The following RNF43 variants were observed in gnomAD, a reference collection of about 807,000 sequenced individuals.
The protein encoded by RNF43 is ring finger protein 43, also known as E3 ubiquitin-protein ligase RNF43.
Under a neutral mutation model 78.4 loss-of-function variants are expected in RNF43, and 37 were observed. That is an observed-to-expected ratio of 0.47 (90% confidence interval 0.36 to 0.62). The LOEUF (loss-of-function observed/expected upper bound fraction) is 0.62. RNF43 is among the 20% of genes least tolerant of loss of function. The pLI is 0.00. For missense variants in RNF43, 774 were observed against 1,007.9 expected, an observed-to-expected ratio of 0.77 and a Z score of 3.14; for synonymous variants, 347 against 395.0, an observed-to-expected ratio of 0.88 and a Z score of 1.44.
chr17:58,372,886 A>G (rs546323526), intron 2 of RNF43, among the ~76,000 whole-genome samples: 1 of 152,334 alleles, frequency 6.6e-6, no homozygotes, highest in East Asian at 1.9e-4. Context: ...ACAGAGGCCT[A>G]GCACGAGGCT....
chr17:58,384,040 G>A (rs1973380842), intron 2 of RNF43, among the ~76,000 whole-genome samples: 1 of 152,198 alleles, frequency 6.6e-6, no homozygotes, highest in South Asian at 2.1e-4. Flanking sequence ...ATGTATGTAG[G>A]CCACCTCATG....
intron 2 of RNF43, among the ~76,000 whole-genome samples, chr17:58,407,998 TAAG>T (rs1043905445): frequency 3.3e-5 from 5 of 152,212 alleles, no homozygotes; most frequent in Non-Finnish European, 7.3e-5. Context: ...TTACTACACA[TAAG>T]AAGATCTTTG....
chr17:58,357,021 GT>G lies in RNF43; in HGVS notation c.2308+446del. 1.7e-6 allele frequency: 1 copy of G among 574,336 alleles called. No individual in the cohort carries two copies. Among genetic ancestry groups the G allele is most frequent in the African/African-American group, 1.9e-5 (1 of 53,006 alleles). The allele number at this position is 574,336 out of a possible 1,614,324, so 35.6% of individuals were successfully genotyped here. On this transcript the variant is annotated intron_variant, in intron 9 of 9. Transcript: ENST00000407977. This position sits in a 1 kb window ranked among gnomAD's most constrained non-coding sequence, Gnocchi z 4.5. ...CGATTCTCCTGCCTCAGCCTCCTGAGTAGCTGGGATTATAAGTGCCCGCCAC... is the reference window on the plus strand; with the variant it reads ...CGATTCTCCTGCCTCAGCCTCCTGAGAGCTGGGATTATAAGTGCCCGCCAC...
At chr17:58,367,983 T>C (rs2680699) in intron 3 of RNF43, among the ~76,000 whole-genome samples, 44,827 of 152,066 alleles carry the variant, frequency 0.29, 7,286 homozygotes, top group African/African-American at 0.43. Flanking sequence ...CCCATTATTA[T>C]TCCCCTTTTA....
At position 58,362,592 on chromosome 17, in the gene RNF43, G is replaced by T. The variant is rs1972860921; in HGVS notation, c.639C>A (p.Ile213=). Residue 213 remains isoleucine (I), a synonymous_variant, in exon 6 of 10, where the codon ATC becomes ATA. Coordinates refer to ENST00000407977, the MANE Select transcript of RNF43 (RefSeq NM_017763.6). ...MTVVGTIFVI[I]LASVLRIRCR... ...ACCGGATGCGCAGCACCGAAGCCAG[G>T]ATGATCACAAAGATGGTGCCCACCA... 6.2e-7 allele frequency: 1 copy of T among 1,612,288 alleles called. No individual in the cohort carries two copies. Among genetic ancestry groups the T allele is most frequent in the African/African-American group, 1.3e-5 (1 of 74,812 alleles).
In RNF43 at chr17:58,370,942, G is replaced by T. The variant is rs200696996; in HGVS notation, c.344C>A (p.Ala115Asp). Reference sequence around the variant, plus strand: ...AGCCAGTGACAGGCAGGGGCGGGGGGCCCGTCGAGGACTCTCCAGCTTGAC... The same window carrying T: ...AGCCAGTGACAGGCAGGGGCGGGGGTCCCGTCGAGGACTCTCCAGCTTGAC... Reference protein sequence around the residue: ...SIVKLESPRRAPRPCLSLASK... With the variant: ...SIVKLESPRRDPRPCLSLASK... The change falls in exon 3 of 10, where the codon GCC (alanine) becomes GAC (aspartate). Residue 115 changes from alanine to aspartate, a missense_variant. Physicochemically the swap from Ala to Asp is moderately radical, Grantham distance 126. Transcript: ENST00000407977. 7 of 1,608,458 alleles carry T rather than the reference G, an allele frequency of 4.4e-6. No homozygotes were observed. The highest frequency in any genetic ancestry group is 5.9e-6 in the Non-Finnish European group (7 of 1,176,802).
rs1286427249 is a variant in RNF43 at position 58,360,915 on chromosome 17, G to A, written c.717C>T (p.Ala239=). Residue 239 remains alanine (A), a synonymous_variant, in exon 7 of 10, where the codon GCC becomes GCT. Transcript: ENST00000407977. The surrounding 1 kb of genome is among the most constrained non-coding windows in gnomAD (Gnocchi z 4.3). ...ACCTCCTGGTGGCCAGCTGGCTGAT[G>A]GCCCAGGCTGTTCTCTGCTGAAGCG... is the stretch of plus-strand genomic sequence containing the variant. ...PDPLQQRTAW[A]ISQLATRRYQ... The A allele has an allele frequency of 6.2e-7, 1 of 1,602,624 alleles. No individual in the cohort carries two copies. Among genetic ancestry groups the A allele is most frequent in the East Asian group, 2.3e-5 (1 of 44,272 alleles).
rs953835448 is a variant in RNF43, at chr17:58,369,071, A to ACG, written c.375+1839_375+1840insCG. Among the ~76,000 whole-genome samples the ACG allele has an allele frequency of 1.3e-4, 20 of 148,206 alleles. 1 individual carries two copies. The highest frequency in any genetic ancestry group is 3.5e-3 in the Middle Eastern group (1 of 282). ...TCTTCCCCATCTCTCTCTCTCATACACACACACACACACACACACACGCAC... is the reference window on the plus strand; with the variant it reads ...TCTTCCCCATCTCTCTCTCTCATACACGCACACACACACACACACACACGCAC... On this transcript the variant is annotated intron_variant, in intron 3 of 9. Coordinates refer to ENST00000407977, the MANE Select transcript of RNF43 (RefSeq NM_017763.6).
rs752924746 is a variant in RNF43, at chr17:58,358,582, A to G, written c.1194T>C (p.Ala398=). Reference sequence around the variant, plus strand: ...CTGCCAGGCGCTGCTGCTCTCCTGGAGCCCGGGGATGTGCAGCTCTGGGGA... The same window carrying G: ...CTGCCAGGCGCTGCTGCTCTCCTGGGGCCCGGGGATGTGCAGCTCTGGGGA... The part of the protein sequence containing the change: ...HRFPRAAHPR[A]PGEQQRLAGA... The change falls in exon 9 of 10, where the codon GCT becomes GCC. Residue 398 remains alanine, a synonymous_variant. Transcript: ENST00000407977. This position sits in a 1 kb window ranked among gnomAD's most constrained non-coding sequence, Gnocchi z 6.2. 1.3e-6 allele frequency: 2 copies of G among 1,595,470 alleles called. No homozygotes were observed. Among genetic ancestry groups the G allele is most frequent in the South Asian group, 2.3e-5 (2 of 88,238 alleles).
At chr17:58,380,239 C>A (rs1973285091) in intron 2 of RNF43, among the ~76,000 whole-genome samples, 1 of 152,148 alleles carries the variant, frequency 6.6e-6, no homozygotes, top group Non-Finnish European at 1.5e-5. Flanking sequence ...ACCACTGAGC[C>A]CCCTTGTTTA....
In RNF43 at chr17:58,358,644, A is replaced by G. The variant is rs1972760041; in HGVS notation, c.1132T>C (p.Ser378Pro). The G allele has an allele frequency of 6.5e-7, 1 of 1,533,332 alleles. No individual in the cohort carries two copies. The highest frequency in any genetic ancestry group is 1.4e-5 in the African/African-American group (1 of 73,342). The allele number at this position is 1,533,332 out of a possible 1,614,324, so 95.0% of individuals were successfully genotyped here. The change falls in exon 9 of 10, where the codon TCC (serine) becomes CCC (proline). Residue 378 changes from serine to proline, a missense_variant. Physicochemically the swap from Ser to Pro is moderately conservative, Grantham distance 74. Coordinates refer to ENST00000407977, the MANE Select transcript of RNF43 (RefSeq NM_017763.6). The surrounding 1 kb of genome is among the most constrained non-coding windows in gnomAD (Gnocchi z 6.2). ...CGAGGGCCCATGCCTGGCTCCTGGG[A>G]TGGCAGGAAGGGACCAGGTCGTGGG... ...RPPRPGPFLP[S>P]QEPGMGPRHH...
intron 2 of RNF43, among the ~76,000 whole-genome samples, chr17:58,396,557 G>C (rs918485582): frequency 2.6e-5 from 4 of 152,090 alleles, no homozygotes; most frequent in African/African-American, 9.7e-5. Flanking sequence ...ACTGTCCTAA[G>C]GTTATCCATT....
chr17:58,405,223 G>C (rs887057255), intron 2 of RNF43, among the ~76,000 whole-genome samples: 11 of 151,744 alleles, frequency 7.2e-5, no homozygotes, highest in Non-Finnish European at 1.5e-5. Flanking sequence ...GACTACAGGT[G>C]CATGCCGCCA....
chr17:58,405,700 CAGAAA>C (rs1459666670), intron 2 of RNF43, among the ~76,000 whole-genome samples: 2 of 110,158 alleles, frequency 1.8e-5, no homozygotes, highest in African/African-American at 7.0e-5. Context: ...TCTCTAATGA[CAGAAA>C]GAAAGAAAGA....
chr17:58,372,730 C>A (rs1357310418), intron 2 of RNF43, among the ~76,000 whole-genome samples: 1 of 152,152 alleles, frequency 6.6e-6, no homozygotes, highest in Non-Finnish European at 1.5e-5. Flanking sequence ...GCTAACAATA[C>A]ATATGGGAAG....
At chr17:58,381,761 T>C (rs180837807) in intron 2 of RNF43, among the ~76,000 whole-genome samples, 55 of 152,298 alleles carry the variant, frequency 3.6e-4, no homozygotes, top group African/African-American at 1.3e-3. Context: ...ATTCTAGGCA[T>C]TAAAGAGAAT....
Position 58,357,528 on chromosome 17 carries a change from C to T in RNF43, c.2248G>A (p.Asp750Asn), listed in dbSNP as rs777471441. The T allele has an allele frequency of 2.5e-6, 4 of 1,614,120 alleles. No individual in the cohort carries two copies. In the African/African-American group the frequency reaches 4.0e-5, roughly 16 times the overall value. ...PGEGPSEWSS[D>N]TAEGRPCPYP... ...GGGCATGGCCTGCCCTCTGCGGTGTCAGAACTCCATTCAGAAGGCCCCTCC... is the reference window on the plus strand; with the variant it reads ...GGGCATGGCCTGCCCTCTGCGGTGTTAGAACTCCATTCAGAAGGCCCCTCC... Residue 750 changes from aspartate to asparagine, a missense_variant, in exon 9 of 10, where the codon GAC becomes AAC. By Grantham distance (23) the Asp-to-Asn change is conservative. Coordinates refer to ENST00000407977, the MANE Select transcript of RNF43 (RefSeq NM_017763.6). This position sits in a 1 kb window ranked among gnomAD's most constrained non-coding sequence, Gnocchi z 4.5.
chr17:58,355,114 G>C (rs1813018349), intron 9 of RNF43, 128 bp from the exon 10 acceptor site: 4 of 866,682 alleles, frequency 4.6e-6, no homozygotes, highest in South Asian at 1.4e-5. Context: ...GTCTGGAAAG[G>C]GTGGTTAGAT....
At chr17:58,393,918 T>C (rs1159593082) in intron 2 of RNF43, among the ~76,000 whole-genome samples, 2 of 152,120 alleles carry the variant, frequency 1.3e-5, no homozygotes, top group East Asian at 3.8e-4. Context: ...TAGCCAGGCG[T>C]GGTGGCGGGC....
Sources: gnomAD v4.1 joint callset for allele counts (sites outside exome capture counted in the v4.1 genomes callset) on GRCh38, gnomAD v4.1.1 for gene constraint, Gnocchi (gnomAD v3.1) non-coding constraint, MANE v1.5 for transcripts, NCBI Gene and HGNC (gene_info 2026-07-23, HGNC 2026-07-21) for gene names.